The following AATK variants were observed in gnomAD, a reference collection of about 807,000 sequenced individuals.
AATK encodes the protein serine/threonine-protein kinase LMTK1.
Under a neutral mutation model 114.3 loss-of-function variants are expected in AATK, and 91 were observed. The ratio of observed to expected loss-of-function variants is 0.80; its 90% CI spans 0.67 to 0.95. AATK has a LOEUF of 0.95. Among genes scored for constraint, AATK ranks in the 40% least tolerant of loss-of-function variants. The pLI, the probability that AATK is intolerant of heterozygous loss-of-function variation, is 0.00. For synonymous variants in AATK, 1,075 were observed against 916.5 expected (o/e 1.17, Z -3.12); for missense variants, 2,176 against 1,965.2 (o/e 1.11, Z -2.03).
rs1236458514 is a variant in AATK, at chr17:81,121,939, T to G, written c.1997A>C (p.Glu666Ala). Residue 666 changes from glutamate (E) to alanine (A), a missense_variant, in exon 11 of 14, where the codon GAG becomes GCG. This residue lies in a region of AATK where 1,701 missense variants were observed against 1,394.7 expected (regional missense o/e 1.22). Transcript: ENST00000326724. ...CTGGGCGGCCCTCCGCGCTCCCACC[T>G]CCTCTAGCTCATCCTCGCCAGTCAG... ...LPLTGEDELE[E>A]VGARRAAQRG... The G allele has an allele frequency of 6.3e-7, 1 of 1,599,332 alleles. No individual in the cohort carries two copies. Among genetic ancestry groups the G allele is most frequent in the Non-Finnish European group, 8.5e-7 (1 of 1,176,994 alleles).
rs1330972464 is a variant in AATK, at chr17:81,121,879, T to G, written c.2057A>C (p.Asn686Thr). 1 of 1,599,908 alleles carries G rather than the reference T, an allele frequency of 6.3e-7. No individual in the cohort carries two copies. Among genetic ancestry groups the G allele is most frequent in the Non-Finnish European group, 8.5e-7 (1 of 1,179,048 alleles). ...GHWRSNVSAN[N>T]NSGSRCPESW... Reference sequence around the variant, plus strand: ...CTCTGGACAGCGGCTGCCGCTGTTGTTGTTGGCTGACACGTTGGAGCGCCA... The same window carrying G: ...CTCTGGACAGCGGCTGCCGCTGTTGGTGTTGGCTGACACGTTGGAGCGCCA... The change falls in exon 11 of 14, where the codon AAC (asparagine) becomes ACC (threonine). Residue 686 changes from asparagine (N) to threonine (T), a missense_variant. Coordinates refer to ENST00000326724, the MANE Select transcript of AATK (RefSeq NM_001080395.3).
intron 9 of AATK, among the ~76,000 whole-genome samples, chr17:81,124,186 C>T (rs1012849739): frequency 1.6e-4 from 24 of 151,924 alleles, no homozygotes; most frequent in African/African-American, 4.8e-4. Flanking sequence ...GTTGGGGAAG[C>T]AGCAGAGGTG....
chr17:81,131,246 CAAGGAAGGGTG>C lies in AATK; in HGVS notation c.190-52_190-42del, dbSNP rs764309888. On this transcript the variant is annotated intron_variant, in intron 2 of 13. Coordinates refer to ENST00000326724, the MANE Select transcript of AATK (RefSeq NM_001080395.3). The stretch of plus-strand genomic sequence containing the variant: ...GGCATGAGCGGGGCTTCTCGCAGGT[CAAGGAAGGGTG>C]TGGCTGGGCCTGGAAAGGCCCCTTT... The C allele has an allele frequency of 1.8e-5, 28 of 1,535,424 alleles. No individual in the cohort carries two copies. The Admixed American group carries it at 2.3e-4, about 12-fold the overall frequency.
chr17:81,134,383 G>T lies in AATK; in HGVS notation c.174C>A (p.Gly58=), dbSNP rs202067944. ...CAGGCCTCACCTTGAACCCGATACCGCCCTTCTTACAGCACAGGCAGGCCA... is the reference window on the plus strand; with the variant it reads ...CAGGCCTCACCTTGAACCCGATACCTCCCTTCTTACAGCACAGGCAGGCCA... ...LMLACLCCKK[G]GIGFKEFENA... The change falls in exon 2 of 14, where the codon GGC becomes GGA. Residue 58 remains glycine, a synonymous_variant. Transcript: ENST00000326724. 1 of 1,613,048 alleles carries T rather than the reference G, an allele frequency of 6.2e-7. No individual in the cohort carries two copies. The highest frequency in any genetic ancestry group is 8.5e-7 in the Non-Finnish European group (1 of 1,179,776).
chr17:81,121,629 G>A lies in AATK; in HGVS notation c.2307C>T (p.Ala769=), dbSNP rs1235424424. 9 of 1,492,666 alleles carry A rather than the reference G, an allele frequency of 6.0e-6. No homozygotes were observed. Among genetic ancestry groups the A allele is most frequent in the Non-Finnish European group, 8.0e-6 (9 of 1,123,328 alleles). The allele number at this position is 1,492,666 out of a possible 1,614,324, so 92.5% of individuals were successfully genotyped here. Residue 769 remains alanine, a synonymous_variant, in exon 11 of 14, where the codon GCC becomes GCT. Transcript: ENST00000326724. ...CLVTPSWTET[A]SSGGDHPQAE... is the part of the protein sequence containing the mutation. ...CCTGCGGGTGGTCACCCCCACTACT[G>A]GCTGTCTCTGTCCAGGAGGGTGTAA...
chr17:81,118,485 C>T, intron 13 of AATK, 43 bp from the exon 14 acceptor site: 1 of 1,590,348 alleles, frequency 6.3e-7, no homozygotes, highest in Non-Finnish European at 8.6e-7. Flanking sequence ...TTCTGAGACA[C>T]CAGGGCTGCC....
chr17:81,163,844 C>A (rs957883972), intron 1 of AATK, among the ~76,000 whole-genome samples: 1 of 152,242 alleles, frequency 6.6e-6, no homozygotes, highest in Non-Finnish European at 1.5e-5. Flanking sequence ...GGAGCCGGCC[C>A]GGCAGCGGGG....
In AATK at chr17:81,118,021, G is replaced by A; in HGVS notation, c.*381C>T. On this transcript the variant is annotated 3_prime_UTR_variant, in exon 14 of 14. Coordinates refer to ENST00000326724, the MANE Select transcript of AATK (RefSeq NM_001080395.3). The stretch of plus-strand genomic sequence containing the variant: ...TAAGTGTCCTGTGAGCACACCGGAG[G>A]AGCTGCCGGATGGGGCATGCGGGTC... The A allele has an allele frequency of 4.9e-6, 1 of 205,690 alleles. No individual in the cohort carries two copies. Among genetic ancestry groups the A allele is most frequent in the Non-Finnish European group, 9.9e-6 (1 of 101,334 alleles). 12.7% of individuals were successfully genotyped at this position (205,690 alleles called of 1,614,324 possible). A position where few individuals can be genotyped will look rare whatever the true frequency, so the allele number is the denominator to read the frequency against.
chr17:81,163,005 C>G (rs1470416897), intron 1 of AATK, among the ~76,000 whole-genome samples: 1 of 152,208 alleles, frequency 6.6e-6, no homozygotes, highest in African/African-American at 2.4e-5. Flanking sequence ...CAGACCTGGC[C>G]ATCACAGCCA....
rs748065806 is a variant in AATK at position 81,118,298 on chromosome 17, A to G, written c.*104T>C. 8.7e-6 allele frequency: 11 copies of G among 1,261,974 alleles called. No individual in the cohort carries two copies. Among genetic ancestry groups the G allele is most frequent in the African/African-American group, 1.5e-5 (1 of 67,128 alleles). 78.2% of individuals were successfully genotyped at this position (1,261,974 alleles called of 1,614,324 possible). A position where few individuals can be genotyped will look rare whatever the true frequency, so the allele number is the denominator to read the frequency against. On this transcript the variant is annotated 3_prime_UTR_variant, in exon 14 of 14. Transcript: ENST00000326724. ...GCAGAGGCACCTGAATCTGCTGCCAACAGCCACCAGGACGTGGTCCCCACC... is the reference window on the plus strand; with the variant it reads ...GCAGAGGCACCTGAATCTGCTGCCAGCAGCCACCAGGACGTGGTCCCCACC...
chr17:81,163,301 G>C (rs760527480), intron 1 of AATK, among the ~76,000 whole-genome samples: 59 of 152,274 alleles, frequency 3.9e-4, no homozygotes, highest in Non-Finnish European at 7.5e-4. Flanking sequence ...GAGCAACAAG[G>C]CCAGCCCCCT....
chr17:81,152,104 A>G (rs1158028693), intron 1 of AATK, among the ~76,000 whole-genome samples: 2 of 151,986 alleles, frequency 1.3e-5, no homozygotes, highest in Non-Finnish European at 1.5e-5. Context: ...GTGAAACCCC[A>G]TCTCTACTAA....
chr17:81,119,376 T>A lies in AATK; in HGVS notation c.4084+4A>T. 1 of 1,295,186 alleles carries A rather than the reference T, an allele frequency of 7.7e-7. No individual in the cohort carries two copies. Among genetic ancestry groups the A allele is most frequent in the Non-Finnish European group, 1.0e-6 (1 of 973,712 alleles). 80.2% of individuals were successfully genotyped at this position (1,295,186 alleles called of 1,614,324 possible). ...CTTCTGCCACAGCCCCGCCCAGGCCTCACCTCTCTTGGACTCGGCGTCCGA... is the reference window on the plus strand; with the variant it reads ...CTTCTGCCACAGCCCCGCCCAGGCCACACCTCTCTTGGACTCGGCGTCCGA... On this transcript the variant is annotated splice_donor_region_variant and intron_variant, in intron 13 of 13. Coordinates refer to ENST00000326724, the MANE Select transcript of AATK (RefSeq NM_001080395.3).
chr17:81,166,038 A>G lies in AATK; in HGVS notation c.-46T>C. 1 of 1,427,832 alleles carries G rather than the reference A, an allele frequency of 7.0e-7. No homozygotes were observed. Among genetic ancestry groups the G allele is most frequent in the Non-Finnish European group, 9.2e-7 (1 of 1,084,506 alleles). 88.4% of individuals were successfully genotyped at this position (1,427,832 alleles called of 1,614,324 possible). On this transcript the variant is annotated 5_prime_UTR_variant, in exon 1 of 14. An upstream open reading frame in the 5' UTR loses its in-frame stop. Transcript: ENST00000326724. The stretch of plus-strand genomic sequence containing the variant: ...GGCATCCCGGGAGGGCGCTGCGCTC[A>G]GGACGCCCGCGGCCCCGGCCCGAGC...
chr17:81,150,878 C>A (rs944381475), intron 1 of AATK, among the ~76,000 whole-genome samples: 2 of 152,210 alleles, frequency 1.3e-5, no homozygotes, highest in Admixed American at 1.3e-4. Context: ...ACTGGCGCAA[C>A]CCTGGCAGGC....
rs1806808109 is a variant in AATK, at chr17:81,128,473, C to T, written c.411G>A (p.Gly137=). The change falls in exon 4 of 14, where the codon GGG becomes GGA. Residue 137 remains glycine, a synonymous_variant. Transcript: ENST00000326724. ...CCCTCCCAGGCGGGACACGTACCTT[C>T]CCGAACCAGCCACGGCCGATTTCCT... The part of the protein sequence containing the change: ...YLKEIGRGWF[G]KVFLGEVNSG... The T allele has an allele frequency of 1.3e-6, 2 of 1,548,852 alleles. No homozygotes were observed. Among genetic ancestry groups the T allele is most frequent in the Admixed American group, 3.9e-5 (2 of 50,986 alleles).
intron 1 of AATK, among the ~76,000 whole-genome samples, chr17:81,143,759 A>G (rs1031851691): frequency 6.6e-6 from 1 of 152,156 alleles, no homozygotes; most frequent in Non-Finnish European, 1.5e-5. Flanking sequence ...GGGTAAGGCG[A>G]GGCCTCCACT....
Position 81,121,914 on chromosome 17 carries a change from C to G in AATK, c.2022G>C (p.Gln674His). ...ACACGTTGGAGCGCCAGTGCCCGCG[C>G]TGGGCGGCCCTCCGCGCTCCCACCT... ...LEEVGARRAAQRGHWRSNVSA... is the reference protein window; with the variant it reads ...LEEVGARRAAHRGHWRSNVSA... Residue 674 changes from glutamine to histidine, a missense_variant, in exon 11 of 14, where the codon CAG (glutamine) becomes CAC (histidine). Physicochemically the swap from Gln to His is conservative, Grantham distance 24. Around this residue, in one of 4 missense-constraint regions of AATK, gnomAD observed 1,701 missense variants for 1,394.7 expected, o/e 1.22. Transcript: ENST00000326724. 2 of 1,600,596 alleles carry G rather than the reference C, an allele frequency of 1.2e-6. No homozygotes were observed. The highest frequency in any genetic ancestry group is 1.7e-6 in the Non-Finnish European group (2 of 1,178,718).
intron 3 of AATK, among the ~76,000 whole-genome samples, chr17:81,129,320 T>C (rs1372004037): frequency 1.3e-5 from 2 of 152,030 alleles, no homozygotes; most frequent in Non-Finnish European, 2.9e-5. Flanking sequence ...GGGTGCTGTG[T>C]CCTGAGCCCA....
Sources: gnomAD v4.1 joint callset for allele counts (sites outside exome capture counted in the v4.1 genomes callset) on GRCh38, gnomAD v4.1.1 for gene constraint, gnomAD v4.1.1 regional missense constraint, MANE v1.5 for transcripts, NCBI Gene and HGNC (gene_info 2026-07-23, HGNC 2026-07-21) for gene names.